The following ZNF236 variants were observed in gnomAD, a reference collection of about 807,000 sequenced individuals.
The protein encoded by ZNF236 is regulated by glucose.
A neutral mutation model predicts 191.2 loss-of-function variants in ZNF236; 50 were observed. The ratio of observed to expected loss-of-function variants is 0.26; its 90% CI spans 0.21 to 0.33. ZNF236 has a LOEUF of 0.33. Among genes scored for constraint, ZNF236 ranks in the 10% least tolerant of loss-of-function variants. ZNF236 has a pLI of 1.00. For synonymous variants in ZNF236, 907 were observed against 928.8 expected (o/e 0.98, Z 0.43); for missense variants, 1,754 against 2,374.5 (o/e 0.74, Z 5.43).
rs1180199642 is a variant in ZNF236 at position 76,881,474 on chromosome 18, A to T, written c.1379A>T (p.Glu460Val). ...QESPEKLDKKEKKMIKKKSPF... is the reference protein window; with the variant it reads ...QESPEKLDKKVKKMIKKKSPF... ...AGCCCGGAGAAACTGGATAAAAAAG[A>T]AAAAAAAATGATAAAGAAGAAGTCA... is the stretch of plus-strand genomic sequence containing the variant. Residue 460 changes from glutamate (E) to valine (V), a missense_variant, in exon 9 of 31, where the codon GAA (glutamate) becomes GTA (valine). Glu to Val is a moderately radical substitution (Grantham distance 121). Around this residue, in one of 5 missense-constraint regions of ZNF236, gnomAD observed 126 missense variants for 110.9 expected, o/e 1.14. Transcript: ENST00000320610. The T allele has an allele frequency of 1.2e-6, 2 of 1,609,360 alleles. No individual in the cohort carries two copies. The highest frequency in any genetic ancestry group is 4.5e-5 in the East Asian group (2 of 44,814).
chr18:76,828,168 CT>C (rs940904936), intron 1 of ZNF236, among the ~76,000 whole-genome samples: 2,675 of 138,758 alleles, frequency 0.019, 25 homozygotes, highest in African/African-American at 0.042. Context: ...TAGGGCTTTA[CT>C]TTTTTTTTTT....
chr18:76,837,437 CTTTTTTTTTTT>C (rs71760598), intron 1 of ZNF236, among the ~76,000 whole-genome samples: 1 of 105,878 alleles, frequency 9.4e-6, no homozygotes, highest in South Asian at 3.2e-4. Flanking sequence ...TTTTCTTTTT[CTTTTTTTTTTT>C]TTTTTTTTTG....
chr18:76,828,205 C>A (rs1375925991), intron 1 of ZNF236, among the ~76,000 whole-genome samples: 1 of 151,102 alleles, frequency 6.6e-6, no homozygotes, highest in East Asian at 1.9e-4. Flanking sequence ...CTCGTTCTCT[C>A]ACCCAGGCTG....
chr18:76,910,513 A>G, intron 15 of ZNF236, 147 bp from the exon 16 acceptor site: 1 of 805,496 alleles, frequency 1.2e-6, no homozygotes, highest in Non-Finnish European at 1.9e-6. Flanking sequence ...AAACAGTGTT[A>G]AAGCTTGCTA....
In ZNF236 at chr18:76,915,869, A is replaced by G; in HGVS notation, c.3274+10A>G. 6.2e-7 allele frequency: 1 copy of G among 1,610,334 alleles called. No homozygotes were observed. Among genetic ancestry groups the G allele is most frequent in the South Asian group, 1.1e-5 (1 of 90,992 alleles). On this transcript the variant is annotated intron_variant, in intron 19 of 30. Coordinates refer to ENST00000320610, the MANE Select transcript of ZNF236 (RefSeq NM_001306089.2). ...GAGACAGAAGGAGGAGGTATTTTCC[A>G]TTTGTTGATTCAAGGTGTATTAACC...
chr18:76,903,379 C>G (rs1193829128), intron 11 of ZNF236, among the ~76,000 whole-genome samples: 1 of 152,202 alleles, frequency 6.6e-6, no homozygotes, highest in African/African-American at 2.4e-5. Flanking sequence ...AAGACTGTTC[C>G]AGGCATGCAG....
In ZNF236 at chr18:76,937,277, G is replaced by C. The variant is rs531156395; in HGVS notation, c.4716G>C (p.Thr1572=). 3.7e-6 allele frequency: 6 copies of C among 1,614,134 alleles called. No homozygotes were observed. The South Asian group carries it at 6.6e-5, about 18-fold the overall frequency. The stretch of plus-strand genomic sequence containing the variant: ...GAGGTGACGCTAGTGTCACGCTGAC[G>C]CTGGCCGATACTCAGGGTATGCTAT... ...GVGGDASVTL[T]LADTQGMLSG... Residue 1572 remains threonine (T), a synonymous_variant, in exon 26 of 31, where the codon ACG becomes ACC. Transcript: ENST00000320610.
In ZNF236 at chr18:76,927,036, G is replaced by C; in HGVS notation, c.4028-1G>C. ...CATTCTCTTTCTCTTTCTCTGGCCA[G>C]CTGGGGGTGACCTGACCGTGTCTCT... On this transcript the variant is annotated splice_acceptor_variant, in intron 22 of 30. Coordinates refer to ENST00000320610, the MANE Select transcript of ZNF236 (RefSeq NM_001306089.2). LOFTEE classifies it high-confidence loss of function. The surrounding 1 kb of genome is among the most constrained non-coding windows in gnomAD (Gnocchi z 5.4). 1 of 1,604,746 alleles carries C rather than the reference G, an allele frequency of 6.2e-7. No individual in the cohort carries two copies. Among genetic ancestry groups the C allele is most frequent in the Non-Finnish European group, 8.5e-7 (1 of 1,172,756 alleles).
At chr18:76,924,546 C>G (rs912298415) in intron 21 of ZNF236, among the ~76,000 whole-genome samples, 2 of 152,148 alleles carry the variant, frequency 1.3e-5, no homozygotes, top group Non-Finnish European at 1.5e-5. Flanking sequence ...AGGGGAAAAG[C>G]CAGCCAGGAA....
At position 76,968,814 on chromosome 18, in the gene ZNF236, G is replaced by GT; in HGVS notation, c.*481dup. ...AAAAAGTGTTACAACACACAGGGAA[G>GT]TTTTTTCCACTCTTTTCTCTGTGCA... On this transcript the variant is annotated 3_prime_UTR_variant, in exon 31 of 31. Transcript: ENST00000320610. The GT allele has an allele frequency of 8.1e-6, 8 of 987,236 alleles. No homozygotes were observed. The highest frequency in any genetic ancestry group is 9.6e-6 in the Non-Finnish European group (8 of 831,268). The allele number at this position is 987,236 out of a possible 1,614,324, so 61.2% of individuals were successfully genotyped here.
chr18:76,848,266 T>G (rs1975757714), intron 1 of ZNF236, among the ~76,000 whole-genome samples: 1 of 152,254 alleles, frequency 6.6e-6, no homozygotes, highest in African/African-American at 2.4e-5. Context: ...TTTCTTGAGC[T>G]ACTTGGTTCT....
intron 26 of ZNF236, among the ~76,000 whole-genome samples, chr18:76,944,622 A>G (rs1968214034): frequency 6.6e-6 from 1 of 152,104 alleles, no homozygotes; most frequent in Admixed American, 6.6e-5. Flanking sequence ...CTCTCCTAAA[A>G]TTACAACAAA....
chr18:76,914,014 G>A (rs1471561629), intron 18 of ZNF236, 116 bp downstream of exon 18: 13 of 1,169,780 alleles, frequency 1.1e-5, no homozygotes, highest in South Asian at 1.6e-5. Flanking sequence ...GTGATTTTTA[G>A]TATGTTCATA....
chr18:76,867,917 T>C (rs143429792), intron 3 of ZNF236, among the ~76,000 whole-genome samples: 1 of 152,192 alleles, frequency 6.6e-6, no homozygotes, highest in Non-Finnish European at 1.5e-5. Context: ...GTAGAACATC[T>C]AGACCAGCAT....
chr18:76,900,538 A>G (rs1977559556), intron 11 of ZNF236, among the ~76,000 whole-genome samples: 2 of 152,184 alleles, frequency 1.3e-5, no homozygotes, highest in African/African-American at 2.4e-5. Flanking sequence ...TTGATTTTGT[A>G]TAGGATACAA....
At position 76,906,983 on chromosome 18, in the gene ZNF236, A is replaced by G. The variant is rs74662446; in HGVS notation, c.2298-1337A>G. 6.9e-3 allele frequency among the ~76,000 whole-genome samples: 1,044 copies of G among 152,344 alleles called. 9 individuals carry two copies. The highest frequency in any genetic ancestry group is 0.023 in the African/African-American group (962 of 41,566). ...TATTGGAAAAAACAAAGAACCAAGG[A>G]AACAAACAGAAAACAAGCCTCCATC... On this transcript the variant is annotated intron_variant, in intron 13 of 30. Coordinates refer to ENST00000320610, the MANE Select transcript of ZNF236 (RefSeq NM_001306089.2).
chr18:76,855,112 C>T (rs779773666), intron 3 of ZNF236, among the ~76,000 whole-genome samples: 6 of 152,108 alleles, frequency 3.9e-5, no homozygotes, highest in African/African-American at 9.6e-5. Flanking sequence ...TTAGTAGAGA[C>T]GGGGTTTCGC....
intron 25 of ZNF236, among the ~76,000 whole-genome samples, chr18:76,930,789 T>G (rs1289758284): frequency 6.6e-6 from 1 of 152,228 alleles, no homozygotes; most frequent in Admixed American, 6.5e-5. Context: ...TTCAATTCAT[T>G]GACAGTTTCA....
At chr18:76,932,097 A>T (rs1353228257) in intron 25 of ZNF236, among the ~76,000 whole-genome samples, 1 of 152,200 alleles carries the variant, frequency 6.6e-6, no homozygotes, top group Non-Finnish European at 1.5e-5. Flanking sequence ...CTCAGAATAA[A>T]TGGAGTGCAG....
Sources: gnomAD v4.1 joint callset for allele counts (sites outside exome capture counted in the v4.1 genomes callset) on GRCh38, gnomAD v4.1.1 for gene constraint, gnomAD v4.1.1 regional missense constraint, Gnocchi (gnomAD v3.1) non-coding constraint, MANE v1.5 for transcripts, NCBI Gene and HGNC (gene_info 2026-07-23, HGNC 2026-07-21) for gene names.